RBM33: variants seen among roughly 807,000 people sequenced by gnomAD.
The protein encoded by RBM33 is RNA-binding protein 33.
A neutral mutation model predicts 132.6 loss-of-function variants in RBM33; 28 were observed. The observed-to-expected ratio is 0.21, with a 90% CI of 0.16 to 0.29. RBM33 has a LOEUF of 0.29. RBM33 is among the 10% of genes least tolerant of loss of function. The pLI is 1.00. For synonymous variants in RBM33, 634 were observed against 593.0 expected, an observed-to-expected ratio of 1.07 and a Z score of -1.01; for missense variants, 1,291 against 1,518.5, an observed-to-expected ratio of 0.85 and a Z score of 2.49.
At chr7:155,710,666 C>T (rs1419531340) in intron 7 of RBM33, among the ~76,000 whole-genome samples, 2 of 152,124 alleles carry the variant, frequency 1.3e-5, no homozygotes, top group Non-Finnish European at 2.9e-5. Context: ...TCTTCATCAC[C>T]GAGTTCAGGT....
chr7:155,664,719 G>A (rs759906146), intron 1 of RBM33, among the ~76,000 whole-genome samples: 3 of 151,984 alleles, frequency 2.0e-5, no homozygotes, highest in South Asian at 2.1e-4. Flanking sequence ...TTATATTTCC[G>A]TTGCTCAGCA....
intron 9 of RBM33, among the ~76,000 whole-genome samples, chr7:155,724,993 TGTGTGTGTG>T (rs1800744767): frequency 2.3e-3 from 221 of 94,942 alleles, no homozygotes; most frequent in Non-Finnish European, 3.4e-3. Context: ...TACAGGTTTG[TGTGTGTGTG>T]TGTGTGTGTG....
intron 13 of RBM33, among the ~76,000 whole-genome samples, chr7:155,743,417 C>T (rs10275919): frequency 2.0e-5 from 3 of 152,124 alleles, no homozygotes; most frequent in Non-Finnish European, 4.4e-5. Context: ...CTGGCGATCA[C>T]TTCCTTCCAT....
intron 9 of RBM33, among the ~76,000 whole-genome samples, chr7:155,730,529 T>C (rs1173354127): frequency 6.6e-6 from 1 of 152,198 alleles, no homozygotes; most frequent in Non-Finnish European, 1.5e-5. Flanking sequence ...GTTTTGTAGA[T>C]GAGCAAACTG....
At chr7:155,709,719 GGTGA>G (rs1325291659) in intron 7 of RBM33, among the ~76,000 whole-genome samples, 2 of 152,090 alleles carry the variant, frequency 1.3e-5, no homozygotes, top group African/African-American at 4.8e-5. Flanking sequence ...GGGATACAAT[GGTGA>G]GTAAGATAGA....
chr7:155,656,869 T>G (rs1213410502), intron 1 of RBM33, among the ~76,000 whole-genome samples: 1 of 152,166 alleles, frequency 6.6e-6, no homozygotes, highest in Admixed American at 6.5e-5. Flanking sequence ...CTCTAGTCTT[T>G]TCCAATAAAG....
At position 155,779,128 on chromosome 7, in the gene RBM33, G is replaced by C. The variant is rs1288279976; in HGVS notation, c.*4087G>C. On this transcript the variant is annotated 3_prime_UTR_variant, in exon 18 of 18. Transcript: ENST00000401878. ...CCTCCCTCCCTACTTGTAGGCCTCAGCTATGGCTTGACGTAATCGCTTTTA... is the reference window on the plus strand; with the variant it reads ...CCTCCCTCCCTACTTGTAGGCCTCACCTATGGCTTGACGTAATCGCTTTTA... 1 of 151,594 alleles carries C rather than the reference G, an allele frequency of 6.6e-6. No homozygotes were observed. Among genetic ancestry groups the C allele is most frequent in the Non-Finnish European group, 1.5e-5 (1 of 67,972 alleles). The allele number at this position is 151,594 out of a possible 1,614,324, so 9.4% of individuals were successfully genotyped here.
At chr7:155,673,762 ATG>A (rs1491253613) in intron 3 of RBM33, among the ~76,000 whole-genome samples, 3,445 of 23,132 alleles carry the variant, frequency 0.15, 282 homozygotes, top group African/African-American at 0.25. Flanking sequence ...ATACGCGCGC[ATG>A]CGCGCACACA....
intron 3 of RBM33, among the ~76,000 whole-genome samples, chr7:155,673,407 T>TGTGTGG (rs1799002641): frequency 8.5e-4 from 7 of 8,240 alleles, no homozygotes; most frequent in African/African-American, 1.6e-3. Context: ...ATATATTGTG[T>TGTGTGG]GTGTGTGTGT....
At chr7:155,650,343 A>C (rs1798321509) in intron 1 of RBM33, among the ~76,000 whole-genome samples, 1 of 152,214 alleles carries the variant, frequency 6.6e-6, no homozygotes, top group Non-Finnish European at 1.5e-5. Context: ...CTGAGCTGTG[A>C]AACGCTTTCT....
At chr7:155,680,366 G>A (rs1026401882) in intron 4 of RBM33, among the ~76,000 whole-genome samples, 5 of 152,206 alleles carry the variant, frequency 3.3e-5, no homozygotes, top group South Asian at 2.1e-4. Context: ...GTCTGTGGCC[G>A]GCTCCATATA....
At chr7:155,763,320 G>T (rs11765009) in intron 14 of RBM33, among the ~76,000 whole-genome samples, 2 of 152,152 alleles carry the variant, frequency 1.3e-5, no homozygotes, top group Non-Finnish European at 2.9e-5. Flanking sequence ...GGAAGGCGCC[G>T]TGATGGGTTT....
intron 14 of RBM33, among the ~76,000 whole-genome samples, chr7:155,750,986 G>T (rs1249637986): frequency 1.3e-5 from 2 of 152,132 alleles, no homozygotes; most frequent in Non-Finnish European, 1.5e-5. Context: ...GCTGCATGCC[G>T]AAGGTCCCAG....
intron 8 of RBM33, among the ~76,000 whole-genome samples, chr7:155,716,782 T>C (rs1313011780): frequency 6.6e-6 from 1 of 152,190 alleles, no homozygotes; most frequent in Non-Finnish European, 1.5e-5. Context: ...AGTTGGATTC[T>C]ATTTTATATA....
chr7:155,673,774 A>G lies in RBM33; in HGVS notation c.171+859A>G, dbSNP rs1337772380. 4.9e-3 allele frequency among the ~76,000 whole-genome samples: 641 copies of G among 132,080 alleles called. 28 individuals are homozygous for G. The highest frequency in any genetic ancestry group is 0.015 in the African/African-American group (524 of 34,354). 86.6% of individuals were successfully genotyped at this position (132,080 alleles called of 152,430 possible). Reference sequence around the variant, plus strand: ...TATATACGCGCGCATGCGCGCACACACACACACACACACACACACACACAC... The same window carrying G: ...TATATACGCGCGCATGCGCGCACACGCACACACACACACACACACACACAC... On this transcript the variant is annotated intron_variant, in intron 3 of 17. Transcript: ENST00000401878.
At chr7:155,722,158 C>T (rs1325020879) in intron 9 of RBM33, among the ~76,000 whole-genome samples, 1 of 152,104 alleles carries the variant, frequency 6.6e-6, no homozygotes, top group Non-Finnish European at 1.5e-5. Context: ...ATTTCCGTTA[C>T]ATAAGTTATG....
At chr7:155,767,534 G>A (rs1285641730) in intron 16 of RBM33, among the ~76,000 whole-genome samples, 1 of 152,212 alleles carries the variant, frequency 6.6e-6, no homozygotes, top group Non-Finnish European at 1.5e-5. Flanking sequence ...GGGTTGATAC[G>A]GGTAATTAAT....
intron 5 of RBM33, among the ~76,000 whole-genome samples, chr7:155,691,227 G>A (rs1799629803): frequency 6.6e-6 from 1 of 152,092 alleles, no homozygotes; most frequent in South Asian, 2.1e-4. Flanking sequence ...TTGATCTCCA[G>A]TCACTGATAC....
At chr7:155,720,473 T>G (rs1229083174) in intron 9 of RBM33, among the ~76,000 whole-genome samples, 1 of 152,252 alleles carries the variant, frequency 6.6e-6, no homozygotes, top group African/African-American at 2.4e-5. Flanking sequence ...GTTGTTTTAC[T>G]TGTAAGCCAG....
Sources: gnomAD v4.1 joint callset for allele counts (sites outside exome capture counted in the v4.1 genomes callset) on GRCh38, gnomAD v4.1.1 for gene constraint, MANE v1.5 for transcripts, NCBI Gene and HGNC (gene_info 2026-07-23, HGNC 2026-07-21) for gene names.